The following CNTLN variants were observed in gnomAD, a reference collection of about 807,000 sequenced individuals.
CNTLN encodes the protein centlein.
CNTLN carries 212 observed loss-of-function variants against 180.0 expected under a neutral mutation model. The ratio of observed to expected loss-of-function variants is 1.18; its 90% CI spans 1.05 to 1.32. CNTLN has a LOEUF of 1.32. Ranked by LOEUF, CNTLN falls within the 40% of genes most tolerant of loss-of-function variation. The probability of loss-of-function intolerance (pLI) is 0.00; values close to 1 mark genes in which losing one functional copy is unlikely to be tolerated. For missense variants in CNTLN, 2,095 were observed against 1,610.9 expected (o/e 1.30, Z -5.14); for synonymous variants, 722 against 563.1 (o/e 1.28, Z -3.99).
At chr9:17,487,552 G>C (rs1319920941) in intron 25 of CNTLN, among the ~76,000 whole-genome samples, 1 of 152,048 alleles carries the variant, frequency 6.6e-6, no homozygotes, top group Non-Finnish European at 1.5e-5. Context: ...CTGAGACCTC[G>C]AGCAGCTTGT....
intron 7 of CNTLN, among the ~76,000 whole-genome samples, chr9:17,304,647 A>G (rs1166164256): frequency 1.3e-5 from 2 of 152,178 alleles, no homozygotes; most frequent in Admixed American, 6.5e-5. Flanking sequence ...CTCTGTATCC[A>G]TAGGGCATAT....
chr9:17,439,835 T>C (rs1360390485), intron 18 of CNTLN, among the ~76,000 whole-genome samples: 1 of 152,220 alleles, frequency 6.6e-6, no homozygotes, highest in Non-Finnish European at 1.5e-5. Context: ...CTCTCTGCTC[T>C]CTGCCATATG....
At chr9:17,370,246 C>G (rs1488893358) in intron 13 of CNTLN, among the ~76,000 whole-genome samples, 1 of 152,038 alleles carries the variant, frequency 6.6e-6, no homozygotes, top group Non-Finnish European at 1.5e-5. Flanking sequence ...AAAAAGACAA[C>G]CTGAAGGCAT....
chr9:17,345,048 A>G (rs1199036941), intron 12 of CNTLN, among the ~76,000 whole-genome samples: 2 of 152,160 alleles, frequency 1.3e-5, no homozygotes, highest in Admixed American at 6.6e-5. Flanking sequence ...GGGTTGGTTA[A>G]TCTAATATGT....
At chr9:17,146,898 A>T in intron 2 of CNTLN, among the ~76,000 whole-genome samples, 1 of 149,692 alleles carries the variant, frequency 6.7e-6, no homozygotes, top group African/African-American at 2.5e-5. Context: ...TGTTTCTTGC[A>T]TTATCTTTGT....
At chr9:17,513,706 A>G in the CNTLN span, among the ~76,000 whole-genome samples, 1 of 152,040 alleles carries the variant, frequency 6.6e-6, no homozygotes, top group African/African-American at 2.4e-5. Context: ...CCTGTCTTTA[A>G]AAAACAAATA....
chr9:17,441,972 C>T (rs939939564), intron 18 of CNTLN, among the ~76,000 whole-genome samples: 2 of 152,078 alleles, frequency 1.3e-5, no homozygotes, highest in African/African-American at 4.8e-5. Context: ...GCCTATTCAC[C>T]AAGAAGATAA....
At chr9:17,234,232 T>A (rs2132139123) in intron 3 of CNTLN, among the ~76,000 whole-genome samples, 1 of 152,206 alleles carries the variant, frequency 6.6e-6, no homozygotes, top group African/African-American at 2.4e-5. Context: ...GGAAGATTAG[T>A]TGAGTCCAGG....
intron 12 of CNTLN, among the ~76,000 whole-genome samples, chr9:17,360,220 G>A (rs1040615066): frequency 7.9e-5 from 12 of 152,144 alleles, no homozygotes; most frequent in African/African-American, 2.9e-4. Context: ...ATAGAAAAAT[G>A]TTATTCAATG....
chr9:17,213,838 T>A (rs1823518259), intron 2 of CNTLN, among the ~76,000 whole-genome samples: 1 of 152,168 alleles, frequency 6.6e-6, no homozygotes, highest in African/African-American at 2.4e-5. Context: ...TGATCTTTGT[T>A]GATTTAAAGT....
chr9:17,466,866 T>C lies in CNTLN; in HGVS notation c.3830T>C (p.Val1277Ala). Residue 1277 changes from valine (V) to alanine (A), a missense_variant, in exon 23 of 26, where the codon GTA (valine) becomes GCA (alanine). Transcript: ENST00000380647. ...ACATTGCTGTTAGCCAATGAAAAAG[T>C]AGAAGAGTTCACCACATTTGTGAAG... ...QKTLLLANEK[V>A]EEFTTFVKAL... is the part of the protein sequence containing the mutation. 3.1e-6 allele frequency: 5 copies of C among 1,609,682 alleles called. No individual in the cohort carries two copies. In the South Asian group the frequency reaches 3.3e-5, roughly 11 times the overall value.
At chr9:17,528,151 C>G in the CNTLN span, among the ~76,000 whole-genome samples, 1 of 152,136 alleles carries the variant, frequency 6.6e-6, no homozygotes, top group Admixed American at 6.5e-5. Context: ...GGAAAACCCC[C>G]TACTCCTTAT....
At chr9:17,518,836 A>G in the CNTLN span, among the ~76,000 whole-genome samples, 1 of 152,186 alleles carries the variant, frequency 6.6e-6, no homozygotes, top group Non-Finnish European at 1.5e-5. Flanking sequence ...TGGGACCCCA[A>G]GTGAGAGTGA....
intron 8 of CNTLN, among the ~76,000 whole-genome samples, chr9:17,327,489 C>CTT (rs35237954): frequency 3.0e-5 from 4 of 133,608 alleles, no homozygotes; most frequent in East Asian, 2.2e-4. Flanking sequence ...CAGCTGTTTC[C>CTT]TTTTTTTTTT....
chr9:17,153,377 C>T (rs562690069), intron 2 of CNTLN, among the ~76,000 whole-genome samples: 1 of 152,250 alleles, frequency 6.6e-6, no homozygotes, highest in South Asian at 2.1e-4. Flanking sequence ...TCAGCATTTG[C>T]TTGTCTGTAA....
In CNTLN at chr9:17,466,902, C is replaced by T. The variant is rs1588061718; in HGVS notation, c.3855+11C>T. 6 of 1,600,992 alleles carry T rather than the reference C, an allele frequency of 3.7e-6. No homozygotes were observed. The highest frequency in any genetic ancestry group is 5.1e-6 in the Non-Finnish European group (6 of 1,171,250). ...ACCACATTTGTGAAGGTTTGAATTACTTGTCGTTTACTAACTTGTACTTTA... is the reference window on the plus strand; with the variant it reads ...ACCACATTTGTGAAGGTTTGAATTATTTGTCGTTTACTAACTTGTACTTTA... On this transcript the variant is annotated intron_variant, in intron 23 of 25. Coordinates refer to ENST00000380647, the MANE Select transcript of CNTLN (RefSeq NM_017738.4).
intron 12 of CNTLN, among the ~76,000 whole-genome samples, chr9:17,347,242 A>T (rs918607977): frequency 1.3e-5 from 2 of 152,116 alleles, no homozygotes; most frequent in Non-Finnish European, 2.9e-5. Flanking sequence ...TCATCCTTTG[A>T]TTATAGATTT....
chr9:17,507,579 A>G (rs1401395705), downstream of CNTLN, among the ~76,000 whole-genome samples: 2 of 152,196 alleles, frequency 1.3e-5, no homozygotes, highest in East Asian at 1.9e-4. Context: ...TAATTCCTAC[A>G]TTTCCATGCA....
Position 17,369,062 on chromosome 9 carries a change from A to G in CNTLN, c.1987+2345A>G, listed in dbSNP as rs556055035. 4.6e-5 allele frequency among the ~76,000 whole-genome samples: 7 copies of G among 152,294 alleles called. No homozygotes were observed. In the South Asian group the frequency reaches 1.5e-3, roughly 32 times the overall value. Reference sequence around the variant, plus strand: ...CCCCACCCCAGACTCATCTTGAATTATAATCCCCATAATCTCCACGTGTCA... The same window carrying G: ...CCCCACCCCAGACTCATCTTGAATTGTAATCCCCATAATCTCCACGTGTCA... On this transcript the variant is annotated intron_variant, in intron 13 of 25. Transcript: ENST00000380647.
Sources: allele counts gnomAD v4.1 joint callset (sites outside exome capture counted in the v4.1 genomes callset), GRCh38; gene constraint gnomAD v4.1.1; transcripts MANE v1.5; gene names NCBI Gene and HGNC (gene_info 2026-07-23, HGNC 2026-07-21).